Variants in PACRG observed in about 807,000 individuals in gnomAD.
The protein encoded by PACRG is parkin coregulated.
In PACRG, 29 loss-of-function variants were observed where a neutral mutation model predicts 29.7. The observed-to-expected ratio is 0.98, with a 90% CI of 0.73 to 1.33. The LOEUF (loss-of-function observed/expected upper bound fraction) is 1.33, where lower values mean the gene tolerates loss of function less well. PACRG is among the 40% of genes most tolerant of loss of function. The probability of loss-of-function intolerance (pLI) is 0.00; values close to 1 mark genes in which losing one functional copy is unlikely to be tolerated. For missense variants in PACRG, 279 were observed against 316.2 expected, an observed-to-expected ratio of 0.88 and a Z score of 0.89; for synonymous variants, 116 against 118.7, an observed-to-expected ratio of 0.98 and a Z score of 0.15.
chr6:162,885,770 ATGTG>A lies in PACRG; in HGVS notation c.291+71505_291+71508del, dbSNP rs556344178. On this transcript the variant is annotated intron_variant, in intron 2 of 4. Transcript: ENST00000366888. ...TGTGTGTGTGTGCGTGCACACGTGC[ATGTG>A]TGTGTGTGTGTGTGTATATATATAA... 6.4e-3 allele frequency among the ~76,000 whole-genome samples: 832 copies of A among 129,458 alleles called. 2 individuals are homozygous for A. Among genetic ancestry groups the A allele is most frequent in the Non-Finnish European group, 8.8e-3 (549 of 62,098 alleles). 84.9% of individuals were successfully genotyped at this position (129,458 alleles called of 152,430 possible).
intron 4 of PACRG, among the ~76,000 whole-genome samples, chr6:163,264,935 C>T (rs1334540371): frequency 6.6e-6 from 1 of 152,116 alleles, no homozygotes; most frequent in Non-Finnish European, 1.5e-5. Flanking sequence ...TGCCCCAAGC[C>T]AAGGAACGCT....
rs1777488876 is a variant in PACRG, at chr6:162,962,551, G to A, written c.292-99599G>A. On this transcript the variant is annotated intron_variant, in intron 2 of 4. Coordinates refer to ENST00000366888, the MANE Select transcript of PACRG (RefSeq NM_001080379.2). ...CATGAAAGTGGGGCCCCCATGATGG[G>A]ATTTGTGTTCTTATGGGAAGAAGAA... 2.0e-5 allele frequency among the ~76,000 whole-genome samples: 3 copies of A among 147,024 alleles called. 1 individual carries two copies. Among genetic ancestry groups the A allele is most frequent in the South Asian group, 4.2e-4 (2 of 4,752 alleles).
chr6:162,788,359 T>A (rs1483814642), intron 1 of PACRG, among the ~76,000 whole-genome samples: 1 of 152,176 alleles, frequency 6.6e-6, no homozygotes, highest in East Asian at 1.9e-4. Context: ...TGTTTTTTAG[T>A]GCTGAATAAT....
intron 3 of PACRG, among the ~76,000 whole-genome samples, chr6:163,080,765 G>C (rs1813004007): frequency 2.0e-5 from 3 of 152,064 alleles, no homozygotes; most frequent in Non-Finnish European, 4.4e-5. Context: ...CACTTGTAAT[G>C]GCAAAACTTT....
intron 2 of PACRG, among the ~76,000 whole-genome samples, chr6:162,925,427 C>T (rs919397642): frequency 7.2e-5 from 11 of 152,250 alleles, no homozygotes; most frequent in Middle Eastern, 3.4e-3. Context: ...AAAATACTGG[C>T]AAACTGAATC....
intron 4 of PACRG, among the ~76,000 whole-genome samples, chr6:163,230,333 T>C (rs1272663983): frequency 1.3e-5 from 2 of 152,266 alleles, no homozygotes; most frequent in Non-Finnish European, 2.9e-5. Flanking sequence ...CAGCCTAAAA[T>C]GTATATGGAG....
intron 4 of PACRG, among the ~76,000 whole-genome samples, chr6:163,180,920 A>G (rs534039669): frequency 3.3e-5 from 5 of 152,280 alleles, no homozygotes; most frequent in African/African-American, 1.2e-4. Flanking sequence ...TTCTCATTTC[A>G]TGTATTTGAA....
At chr6:162,858,661 G>A (rs976038777) in intron 2 of PACRG, among the ~76,000 whole-genome samples, 8 of 152,152 alleles carry the variant, frequency 5.3e-5, no homozygotes, top group Non-Finnish European at 1.0e-4. Flanking sequence ...GTACTTTTAT[G>A]GACAGGCATG....
chr6:163,136,777 C>T (rs575662111), intron 4 of PACRG, among the ~76,000 whole-genome samples: 1 of 152,266 alleles, frequency 6.6e-6, no homozygotes, highest in South Asian at 2.1e-4. Context: ...CCAATCTATA[C>T]ACTTGGTTTT....
intron 2 of PACRG, among the ~76,000 whole-genome samples, chr6:162,851,488 A>G (rs920021380): frequency 6.6e-6 from 1 of 152,206 alleles, no homozygotes; most frequent in African/African-American, 2.4e-5. Flanking sequence ...AAGCAATGTA[A>G]TTTCTAGTGA....
intron 2 of PACRG, among the ~76,000 whole-genome samples, chr6:162,954,387 C>T (rs1271692207): frequency 6.6e-6 from 1 of 151,332 alleles, no homozygotes; most frequent in African/African-American, 2.4e-5. Context: ...TCTTTAGCTT[C>T]CCTCACTTAG....
At chr6:163,005,689 C>T (rs1366557783) in intron 2 of PACRG, among the ~76,000 whole-genome samples, 1 of 150,848 alleles carries the variant, frequency 6.6e-6, no homozygotes, top group Non-Finnish European at 1.5e-5. Context: ...TTGTTTATCT[C>T]TATTTTTAAT....
chr6:163,077,874 G>C (rs1319236556), intron 3 of PACRG, among the ~76,000 whole-genome samples: 3 of 152,178 alleles, frequency 2.0e-5, no homozygotes, highest in Non-Finnish European at 4.4e-5. Context: ...TGTATGAACA[G>C]GGGAATGAGG....
At chr6:162,947,585 T>TATATATATACTC (rs1562766964) in intron 2 of PACRG, among the ~76,000 whole-genome samples, 1 of 46,534 alleles carries the variant, frequency 2.1e-5, no homozygotes, top group Admixed American at 3.1e-4. Flanking sequence ...TATATAATCA[T>TATATATATACTC]ATATATAATC....
intron 4 of PACRG, among the ~76,000 whole-genome samples, chr6:163,134,295 A>G (rs1218875786): frequency 6.6e-6 from 1 of 152,212 alleles, no homozygotes; most frequent in African/African-American, 2.4e-5. Flanking sequence ...TTCTGGTTCA[A>G]ACGAAAAGTT....
intron 3 of PACRG, among the ~76,000 whole-genome samples, chr6:163,082,474 A>T (rs1813173952): frequency 1.3e-5 from 2 of 152,210 alleles, no homozygotes; most frequent in African/African-American, 4.8e-5. Context: ...ATTAAAACAC[A>T]AAGTTACAAT....
intron 2 of PACRG, among the ~76,000 whole-genome samples, chr6:162,830,283 C>T (rs967738370): frequency 5.3e-5 from 8 of 152,124 alleles, no homozygotes; most frequent in African/African-American, 1.9e-4. Flanking sequence ...GAGTCACTGG[C>T]AGGTTAGAAG....
chr6:162,922,951 G>C (rs1034613535), intron 2 of PACRG, among the ~76,000 whole-genome samples: 1 of 152,128 alleles, frequency 6.6e-6, no homozygotes, highest in African/African-American at 2.4e-5. Context: ...ATCATGTGGT[G>C]ATTCTATTTT....
At chr6:162,899,625 C>T (rs1245925191) in intron 2 of PACRG, among the ~76,000 whole-genome samples, 1 of 152,072 alleles carries the variant, frequency 6.6e-6, no homozygotes, top group Non-Finnish European at 1.5e-5. Context: ...AGGTCTTCCT[C>T]CCAGCCAGGG....
Sources: allele counts gnomAD v4.1 joint callset (sites outside exome capture counted in the v4.1 genomes callset), GRCh38; gene constraint gnomAD v4.1.1; transcripts MANE v1.5; gene names NCBI Gene and HGNC (gene_info 2026-07-23, HGNC 2026-07-21).